The following AGAP1 variants were observed in gnomAD, a reference collection of about 807,000 sequenced individuals.
AGAP1 encodes the protein arf-GAP with GTPase, ANK repeat and PH domain-containing protein 1.
Under a neutral mutation model 105.3 loss-of-function variants are expected in AGAP1, and 29 were observed. The observed-to-expected ratio is 0.28, with a 90% CI of 0.21 to 0.38. The LOEUF is 0.38. Ranked by LOEUF, AGAP1 falls within the 10% of genes least tolerant of loss-of-function variation. The pLI, the probability that AGAP1 is intolerant of heterozygous loss-of-function variation, is 1.00. For missense variants in AGAP1, 998 were observed against 1,165.1 expected (o/e 0.86, Z 2.09); for synonymous variants, 509 against 485.9 (o/e 1.05, Z -0.63).
chr2:235,969,920 C>T (rs1348849472), intron 13 of AGAP1, among the ~76,000 whole-genome samples: 1 of 152,028 alleles, frequency 6.6e-6, no homozygotes, highest in African/African-American at 2.4e-5. Flanking sequence ...ACTGATTTTT[C>T]GTCGGGCACG....
chr2:235,571,778 C>T (rs1258138284), intron 1 of AGAP1, among the ~76,000 whole-genome samples: 1 of 151,768 alleles, frequency 6.6e-6, no homozygotes. Context: ...AACAGAGTGG[C>T]CCTCCAAAAG....
rs927070222 is a variant in AGAP1 at position 235,732,673 on chromosome 2, T to C, written c.311-8290T>C. Among the ~76,000 whole-genome samples the C allele has an allele frequency of 6.6e-6, 1 of 152,156 alleles. No individual in the cohort carries two copies. Among genetic ancestry groups the C allele is most frequent in the Non-Finnish European group, 1.5e-5 (1 of 68,024 alleles). ...TCCCCAGCCCTGCTCTTCAGCCTTC[T>C]TGGCTTGGACCTCTCTTCCCAGACA... On this transcript the variant is annotated intron_variant, in intron 3 of 17. Transcript: ENST00000304032. This position sits in a 1 kb window ranked among gnomAD's most constrained non-coding sequence, Gnocchi z 4.8.
intron 10 of AGAP1, among the ~76,000 whole-genome samples, chr2:235,903,853 CTG>C (rs761369224): frequency 1.3e-5 from 2 of 152,132 alleles, no homozygotes; most frequent in African/African-American, 2.4e-5. Context: ...GAACACATAA[CTG>C]TGAAATTCTA....
In AGAP1 at chr2:235,753,604, G is replaced by A. The variant is rs1254734865; in HGVS notation, c.673+3116G>A. 6.6e-6 allele frequency among the ~76,000 whole-genome samples: 1 copy of A among 152,048 alleles called. No individual in the cohort carries two copies. The highest frequency in any genetic ancestry group is 1.5e-5 in the Non-Finnish European group (1 of 68,032). On this transcript the variant is annotated intron_variant, in intron 6 of 17. Transcript: ENST00000304032. The surrounding 1 kb of genome is among the most constrained non-coding windows in gnomAD (Gnocchi z 4.5). ...ACCTGTAATCCCAGCTACTCAGGAA[G>A]CCAAGGCAGGAGAATCGCTTGAACC...
intron 13 of AGAP1, among the ~76,000 whole-genome samples, chr2:236,006,055 C>T (rs532080899): frequency 6.6e-6 from 1 of 152,226 alleles, no homozygotes; most frequent in South Asian, 2.1e-4. Flanking sequence ...TGTTTCTCTC[C>T]CCCATTTATG....
rs1105504 is a variant in AGAP1 at position 235,724,251 on chromosome 2, G to T, written c.310+6607G>T. On this transcript the variant is annotated intron_variant, in intron 3 of 17. Coordinates refer to ENST00000304032, the MANE Select transcript of AGAP1 (RefSeq NM_001037131.3). This position sits in a 1 kb window ranked among gnomAD's most constrained non-coding sequence, Gnocchi z 4.9. ...GCCAACAGCCAGCGAGCTCCTGGCC[G>T]GGAGCCTGGTAATGGGGATGGCTGG... Among the ~76,000 whole-genome samples the T allele has an allele frequency of 1.3e-5, 2 of 152,192 alleles. No individual in the cohort carries two copies. The highest frequency in any genetic ancestry group is 2.9e-5 in the Non-Finnish European group (2 of 68,040).
intron 1 of AGAP1, among the ~76,000 whole-genome samples, chr2:235,616,084 C>T (rs1028205539): frequency 3.3e-5 from 5 of 152,064 alleles, no homozygotes; most frequent in East Asian, 1.9e-4. Context: ...ACTTCTGGGC[C>T]GGATGCAGTG....
At chr2:235,632,093 A>G (rs746545384) in intron 1 of AGAP1, among the ~76,000 whole-genome samples, 19 of 152,232 alleles carry the variant, frequency 1.2e-4, no homozygotes, top group Non-Finnish European at 2.4e-4. Context: ...TGTATAAGCC[A>G]CTGTTATTTG....
chr2:235,639,550 A>G lies in AGAP1; in HGVS notation c.164-69629A>G, dbSNP rs1947121900. The stretch of plus-strand genomic sequence containing the variant: ...TGTGGAAACATCGTGGGATGATCTC[A>G]TGGTGGGTGGGACTTGTCGCCGTCA... On this transcript the variant is annotated intron_variant, in intron 1 of 17. Transcript: ENST00000304032. This position sits in a 1 kb window ranked among gnomAD's most constrained non-coding sequence, Gnocchi z 5.3. Among the ~76,000 whole-genome samples the G allele has an allele frequency of 6.6e-6, 1 of 152,088 alleles. No homozygotes were observed. Among genetic ancestry groups the G allele is most frequent in the African/African-American group, 2.4e-5 (1 of 41,420 alleles).
chr2:235,715,688 CT>C, intron 2 of AGAP1, among the ~76,000 whole-genome samples: 1 of 152,176 alleles, frequency 6.6e-6, no homozygotes, highest in Non-Finnish European at 1.5e-5. Context: ...TTCTAGGAAC[CT>C]CTCTGGTGTT....
chr2:236,017,314 T>C (rs1488236388), intron 13 of AGAP1, among the ~76,000 whole-genome samples: 1 of 151,636 alleles, frequency 6.6e-6, no homozygotes, highest in African/African-American at 2.4e-5. Flanking sequence ...AAAAATACAT[T>C]ACAGAATTTA....
chr2:235,670,048 C>T (rs1287539665), intron 1 of AGAP1: 4 of 384,556 alleles, frequency 1.0e-5, no homozygotes, highest in Non-Finnish European at 1.8e-5. Context: ...GCCCGGCGCC[C>T]TCCCGGCCCG....
intron 6 of AGAP1, among the ~76,000 whole-genome samples, chr2:235,771,605 A>T (rs2675125): frequency 6.6e-6 from 1 of 152,002 alleles, no homozygotes; most frequent in African/African-American, 2.4e-5. Context: ...AGTGATCCCC[A>T]CCTGGAGAGG....
At chr2:235,804,647 G>A (rs187630068) in intron 8 of AGAP1, among the ~76,000 whole-genome samples, 3 of 152,350 alleles carry the variant, frequency 2.0e-5, no homozygotes, top group African/African-American at 7.2e-5. Context: ...TCTCACCACG[G>A]CAGGGGAAGT....
chr2:236,103,370 C>T, intron 16 of AGAP1, among the ~76,000 whole-genome samples: 1 of 152,166 alleles, frequency 6.6e-6, no homozygotes, highest in Non-Finnish European at 1.5e-5. Context: ...AAGGGGGCAG[C>T]TGGGCTGGCT....
Position 235,549,384 on chromosome 2 carries a change from A to G in AGAP1, c.163+54535A>G, listed in dbSNP as rs1344592211. On this transcript the variant is annotated intron_variant, in intron 1 of 17. Coordinates refer to ENST00000304032, the MANE Select transcript of AGAP1 (RefSeq NM_001037131.3). This position sits in a 1 kb window ranked among gnomAD's most constrained non-coding sequence, Gnocchi z 4.2. ...CAGACTGCTTAAGCCTCCTCCTGTC[A>G]GAGGACCCCAGAGAGCTCCCCCAGC... 6.6e-6 allele frequency among the ~76,000 whole-genome samples: 1 copy of G among 152,124 alleles called. No homozygotes were observed. Among genetic ancestry groups the G allele is most frequent in the Non-Finnish European group, 1.5e-5 (1 of 68,024 alleles).
chr2:235,761,650 G>C (rs775893905), intron 6 of AGAP1, among the ~76,000 whole-genome samples: 61 of 152,114 alleles, frequency 4.0e-4, no homozygotes, highest in Non-Finnish European at 8.2e-4. Flanking sequence ...TTTTTAAAAT[G>C]ATTAAGTAGT....
At chr2:235,672,299 G>A (rs192792076) in intron 1 of AGAP1, among the ~76,000 whole-genome samples, 9 of 152,304 alleles carry the variant, frequency 5.9e-5, no homozygotes, top group Non-Finnish European at 1.0e-4. Context: ...AGATAAAATG[G>A]TCATGTTCTA....
intron 1 of AGAP1, among the ~76,000 whole-genome samples, chr2:235,680,110 C>T (rs1479758772): frequency 1.3e-5 from 2 of 152,190 alleles, no homozygotes; most frequent in Non-Finnish European, 2.9e-5. Flanking sequence ...AACTTTAGCT[C>T]TATATGCAGG....
Sources: gnomAD v4.1 joint callset for allele counts (sites outside exome capture counted in the v4.1 genomes callset) on GRCh38, gnomAD v4.1.1 for gene constraint, Gnocchi (gnomAD v3.1) non-coding constraint, MANE v1.5 for transcripts, NCBI Gene and HGNC (gene_info 2026-07-23, HGNC 2026-07-21) for gene names.